Variants in TMEM41B observed in about 807,000 individuals in gnomAD.
TMEM41B encodes transmembrane protein 41B.
TMEM41B carries 18 observed loss-of-function variants against 31.9 expected under a neutral mutation model. The ratio of observed to expected loss-of-function variants is 0.56; its 90% CI spans 0.39 to 0.84. The LOEUF is 0.84. Among genes scored for constraint, TMEM41B ranks in the 40% least tolerant of loss-of-function variants. TMEM41B has a pLI of 0.00. For missense variants in TMEM41B, 322 were observed against 348.0 expected, an observed-to-expected ratio of 0.93 and a Z score of 0.59; for synonymous variants, 144 against 124.3, an observed-to-expected ratio of 1.16 and a Z score of -1.05.
chr11:9,310,460 T>A (rs906937112), intron 1 of TMEM41B, among the ~76,000 whole-genome samples: 1 of 151,894 alleles, frequency 6.6e-6, no homozygotes, highest in African/African-American at 2.4e-5. Context: ...TTTAAAAAAA[T>A]GCTTATTATT....
intron 6 of TMEM41B, 25 bp downstream of exon 6, chr11:9,286,430 A>G (rs373317314): frequency 3.6e-5 from 57 of 1,598,660 alleles, no homozygotes; most frequent in Non-Finnish European, 4.3e-5. Flanking sequence ...GTGAGCTCAT[A>G]CACAGCAAGA....
chr11:9,304,316 G>A (rs962923058), intron 1 of TMEM41B, among the ~76,000 whole-genome samples: 3 of 151,952 alleles, frequency 2.0e-5, no homozygotes, highest in Non-Finnish European at 4.4e-5. Flanking sequence ...AATTCAATAC[G>A]TATCTTGAGG....
At chr11:9,305,200 T>C (rs1214767948) in intron 1 of TMEM41B, among the ~76,000 whole-genome samples, 1 of 146,138 alleles carries the variant, frequency 6.8e-6, no homozygotes, top group Non-Finnish European at 1.5e-5. Context: ...GGAATGAGGG[T>C]AATATATATA....
intron 1 of TMEM41B, among the ~76,000 whole-genome samples, chr11:9,306,979 ATATCTTGC>A (rs1386310698): frequency 1.3e-5 from 2 of 152,090 alleles, no homozygotes; most frequent in Non-Finnish European, 2.9e-5. Flanking sequence ...ACTTCCTTCT[ATATCTTGC>A]TCTCTGAATT....
In TMEM41B at chr11:9,283,567, T is replaced by C. The variant is rs780878808; in HGVS notation, c.733A>G (p.Ile245Val). ...LGVAPPSFVA[I>V]KAGTTLYQLT... ...TGATACAGTGTTGTTCCTGCCTTAA[T>C]GGCTACAAAAGAAGGAGGTGCGACA... is the stretch of plus-strand genomic sequence containing the variant. The change falls in exon 7 of 7, where the codon ATT becomes GTT. Residue 245 changes from isoleucine to valine, a missense_variant. Physicochemically the swap from Ile to Val is conservative, Grantham distance 29. Around this residue, in one of 3 missense-constraint regions of TMEM41B, gnomAD observed 92 missense variants for 88.0 expected, o/e 1.05. Coordinates refer to ENST00000528080, the MANE Select transcript of TMEM41B (RefSeq NM_015012.4). 7.5e-6 allele frequency: 12 copies of C among 1,607,526 alleles called. No individual in the cohort carries two copies. The highest frequency in any genetic ancestry group is 1.1e-5 in the South Asian group (1 of 88,628).
At chr11:9,289,371 T>C (rs1181559340) in intron 3 of TMEM41B, among the ~76,000 whole-genome samples, 2 of 152,118 alleles carry the variant, frequency 1.3e-5, no homozygotes, top group African/African-American at 4.8e-5. Flanking sequence ...TCTGAACCTT[T>C]TTCCCCTCTA....
chr11:9,294,061 G>C (rs1398391051), intron 3 of TMEM41B, among the ~76,000 whole-genome samples: 2 of 151,412 alleles, frequency 1.3e-5, no homozygotes, highest in African/African-American at 4.9e-5. Context: ...TGTGCCTGTG[G>C]TTCCAGCTAC....
chr11:9,291,382 C>T (rs1852955474), intron 3 of TMEM41B, among the ~76,000 whole-genome samples: 1 of 145,098 alleles, frequency 6.9e-6, no homozygotes, highest in South Asian at 2.2e-4. Context: ...ACTCCCATCT[C>T]AAAAAAATTA....
chr11:9,290,513 A>G lies in TMEM41B; in HGVS notation c.369-1978T>C, dbSNP rs143329298. On this transcript the variant is annotated intron_variant, in intron 3 of 6. Coordinates refer to ENST00000528080, the MANE Select transcript of TMEM41B (RefSeq NM_015012.4). The stretch of plus-strand genomic sequence containing the variant: ...ACATATACGTATGTAACAAACCTGC[A>G]CGCTGTGCACATGTACCCCAGAACT... Among the ~76,000 whole-genome samples the G allele has an allele frequency of 4.6e-3, 695 of 152,192 alleles. 7 individuals are homozygous for G. Among genetic ancestry groups the G allele is most frequent in the African/African-American group, 0.016 (646 of 41,548 alleles).
At chr11:9,283,766 A>C (rs1223441403) in intron 6 of TMEM41B, among the ~76,000 whole-genome samples, 173 bp from the exon 7 acceptor site, 3 of 151,958 alleles carry the variant, frequency 2.0e-5, no homozygotes, top group Non-Finnish European at 4.4e-5. Context: ...AATCTTTCCT[A>C]ATCACCTCTT....
Position 9,303,861 on chromosome 11 carries a change from T to A in TMEM41B, c.122-4160A>T, listed in dbSNP as rs573271385. On this transcript the variant is annotated intron_variant, in intron 1 of 6. Coordinates refer to ENST00000528080, the MANE Select transcript of TMEM41B (RefSeq NM_015012.4). Reference sequence around the variant, plus strand: ...TTTTGTATTTTTAGTAGAAACGGAGTTTCACATTGTTGGCCAGGCTGGTCT... The same window carrying A: ...TTTTGTATTTTTAGTAGAAACGGAGATTCACATTGTTGGCCAGGCTGGTCT... 3.3e-5 allele frequency among the ~76,000 whole-genome samples: 5 copies of A among 152,050 alleles called. No homozygotes were observed. In the South Asian group the frequency reaches 1.0e-3, roughly 32 times the overall value.
chr11:9,311,411 G>A (rs1177657397), intron 1 of TMEM41B: 1 of 1,398,544 alleles, frequency 7.2e-7, no homozygotes, highest in Admixed American at 1.7e-5. Context: ...CAGGAGCCAA[G>A]GGACTCACAG....
chr11:9,310,275 C>G (rs1001543789), intron 1 of TMEM41B, among the ~76,000 whole-genome samples: 1 of 151,894 alleles, frequency 6.6e-6, no homozygotes, highest in Admixed American at 6.6e-5. Flanking sequence ...ACCTCATGTT[C>G]CGCCCGCCTC....
At chr11:9,284,699 G>A (rs1194328463) in intron 6 of TMEM41B, among the ~76,000 whole-genome samples, 1 of 151,930 alleles carries the variant, frequency 6.6e-6, no homozygotes, top group Admixed American at 6.6e-5. Context: ...GGAGGCGGAG[G>A]TTGCAATGAG....
chr11:9,299,818 G>A, intron 1 of TMEM41B, 117 bp from the exon 2 acceptor site: 1 of 803,298 alleles, frequency 1.2e-6, no homozygotes, highest in Non-Finnish European at 2.1e-6. Flanking sequence ...AAAATGATGT[G>A]ACATTAAATT....
In TMEM41B at chr11:9,305,509, A is replaced by G. The variant is rs145944764; in HGVS notation, c.122-5808T>C. Reference sequence around the variant, plus strand: ...CAGCCACTGGGGAGGCTAAGGCACAAGAATTGCTGGAACCTGGGAGGTGGA... The same window carrying G: ...CAGCCACTGGGGAGGCTAAGGCACAGGAATTGCTGGAACCTGGGAGGTGGA... On this transcript the variant is annotated intron_variant, in intron 1 of 6. Transcript: ENST00000528080. 4.8e-3 allele frequency among the ~76,000 whole-genome samples: 725 copies of G among 152,316 alleles called. 8 individuals carry two copies. The highest frequency in any genetic ancestry group is 0.029 in the East Asian group (151 of 5,188).
intron 3 of TMEM41B, among the ~76,000 whole-genome samples, chr11:9,289,268 G>A (rs970902863): frequency 1.3e-5 from 2 of 151,988 alleles, no homozygotes; most frequent in African/African-American, 4.8e-5. Context: ...AAGTGTTGAG[G>A]TTACAGATAT....
chr11:9,309,253 AAAG>A (rs1484003327), intron 1 of TMEM41B, among the ~76,000 whole-genome samples: 3 of 151,746 alleles, frequency 2.0e-5, no homozygotes, highest in Non-Finnish European at 2.9e-5. Context: ...TTTCAAAAAA[AAAG>A]AAAGAAAGAA....
intron 2 of TMEM41B, among the ~76,000 whole-genome samples, chr11:9,296,778 G>T (rs1299216207): frequency 6.6e-6 from 1 of 152,084 alleles, no homozygotes; most frequent in African/African-American, 2.4e-5. Flanking sequence ...GAATACCACA[G>T]ATCAAAGTCC....
Sources: allele counts gnomAD v4.1 joint callset (sites outside exome capture counted in the v4.1 genomes callset), GRCh38; gene constraint gnomAD v4.1.1; regional missense constraint gnomAD v4.1.1; transcripts MANE v1.5; gene names NCBI Gene and HGNC (gene_info 2026-07-23, HGNC 2026-07-21).